KIFC3: variants seen among roughly 807,000 people sequenced by gnomAD.
KIFC3 encodes the protein kinesin family member C3, also known as kinesin-like protein KIFC3.
A neutral mutation model predicts 101.8 loss-of-function variants in KIFC3; 60 were observed. The ratio of observed to expected loss-of-function variants is 0.59; its 90% CI spans 0.48 to 0.73. KIFC3 has a LOEUF of 0.73. Ranked by LOEUF, KIFC3 falls within the 30% of genes least tolerant of loss-of-function variation. The pLI is 0.00. For synonymous variants in KIFC3, 476 were observed against 482.7 expected, an observed-to-expected ratio of 0.99 and a Z score of 0.18; for missense variants, 966 against 1,137.1, an observed-to-expected ratio of 0.85 and a Z score of 2.16.
Position 57,826,175 on chromosome 16 carries a change from G to A in KIFC3, c.109-27893C>T, listed in dbSNP as rs143391009. Among the ~76,000 whole-genome samples, 270 of 152,274 alleles carry A rather than the reference G, an allele frequency of 1.8e-3. 1 individual carries two copies. Among genetic ancestry groups the A allele is most frequent in the African/African-American group, 6.1e-3 (255 of 41,552 alleles). On this transcript the variant is annotated intron_variant, in intron 1 of 2. Coordinates refer to the KIFC3 transcript ENST00000563028. Reference sequence around the variant, plus strand: ...TACAAGCCCACACCCCAAAATGCCCGCTTCCCCCACCATGGGAGTCCAGAG... The same window carrying A: ...TACAAGCCCACACCCCAAAATGCCCACTTCCCCCACCATGGGAGTCCAGAG...
At position 57,758,835 on chromosome 16, in the gene KIFC3, G is replaced by A; in HGVS notation, c.*99C>T. The A allele has an allele frequency of 6.2e-7, 1 of 1,607,580 alleles. No individual in the cohort carries two copies. Among genetic ancestry groups the A allele is most frequent in the Non-Finnish European group, 8.5e-7 (1 of 1,176,576 alleles). On this transcript the variant is annotated 3_prime_UTR_variant, in exon 20 of 20. Transcript: ENST00000445690. ...CTCCGGGGGTCCTGGCGCTGCAGCA[G>A]GGACAGGCCAGTGAGGGCCCAGCTT...
chr16:57,834,268 C>T (rs2055644167), intron 1 of KIFC3, among the ~76,000 whole-genome samples: 1 of 152,010 alleles, frequency 6.6e-6, no homozygotes, highest in Admixed American at 6.6e-5. Context: ...AAATAATCTC[C>T]CAGTATTGTT....
chr16:57,831,264 CG>C (rs1567328110), intron 1 of KIFC3, among the ~76,000 whole-genome samples: 1 of 152,216 alleles, frequency 6.6e-6, no homozygotes, highest in South Asian at 2.1e-4. Flanking sequence ...GCTAACCCCA[CG>C]GGGGGTTCTC....
intron 1 of KIFC3, among the ~76,000 whole-genome samples, chr16:57,830,854 A>G (rs2055567485): frequency 6.6e-6 from 1 of 152,200 alleles, no homozygotes; most frequent in African/African-American, 2.4e-5. Flanking sequence ...CTTGCCTGAA[A>G]CACTGATAAA....
At position 57,766,847 on chromosome 16, in the gene KIFC3, G is replaced by A. The variant is rs782612648; in HGVS notation, c.1330+27C>T. 15 of 1,565,632 alleles carry A rather than the reference G, an allele frequency of 9.6e-6. No individual in the cohort carries two copies. The East Asian group carries it at 1.8e-4, about 19-fold the overall frequency. ...CCAGGTCGAGGACCCCGAGGCCAGC[G>A]CCCACCCCCAGCCCTCCTGCAGTCA... is the stretch of plus-strand genomic sequence containing the variant. On this transcript the variant is annotated intron_variant, in intron 10 of 19. Transcript: ENST00000445690.
intron 3 of KIFC3, chr16:57,776,084 G>T: frequency 1.0e-6 from 1 of 985,466 alleles, no homozygotes; most frequent in Non-Finnish European, 1.2e-6. Context: ...CTTCCAAGGC[G>T]GCCTCTTACC....
At chr16:57,797,500 G>A (rs1393031126) in intron 2 of KIFC3, among the ~76,000 whole-genome samples, 5 of 152,330 alleles carry the variant, frequency 3.3e-5, no homozygotes, top group Admixed American at 1.3e-4. Flanking sequence ...TCCCCGGGGG[G>A]TACAGTGGGG....
upstream of KIFC3, among the ~76,000 whole-genome samples, chr16:57,807,316 T>C (rs2054959523): frequency 6.6e-6 from 1 of 151,986 alleles, no homozygotes; most frequent in Non-Finnish European, 1.5e-5. Flanking sequence ...CAGCTTTGCA[T>C]GTCACCAACT....
At chr16:57,759,866 G>C (rs1555594259) in intron 17 of KIFC3, 30 bp from the exon 18 acceptor site, 1 of 1,534,562 alleles carries the variant, frequency 6.5e-7, no homozygotes, top group South Asian at 1.2e-5. Flanking sequence ...GATGGGCGGG[G>C]GCCACGGCTG....
At chr16:57,790,084 T>TC (rs1240586787) in intron 3 of KIFC3, among the ~76,000 whole-genome samples, 1 of 142,260 alleles carries the variant, frequency 7.0e-6, no homozygotes, top group African/African-American at 2.6e-5. Context: ...CTTTCTTTTT[T>TC]TTTTTTTTTT....
At chr16:57,847,267 GAAGGGA>G (rs1476632866) in intron 1 of KIFC3, among the ~76,000 whole-genome samples, 1 of 99,658 alleles carries the variant, frequency 1.0e-5, no homozygotes, top group Non-Finnish European at 2.0e-5. Context: ...AGGAAGGAAG[GAAGGGA>G]AGGGAGGGAG....
In KIFC3 at chr16:57,798,169, G is replaced by A. The variant is rs782115664; in HGVS notation, c.75C>T (p.Ala25=). ...SLRGLWRVGR[A]PEPEPGMARP... is the part of the protein sequence containing the mutation. ...GAGCCATCCCCGGCTCGGGCTCCGG[G>A]GCCCGGCCCACTCTCCACAGGCCCC... Residue 25 remains alanine, a synonymous_variant, in exon 2 of 20, where the codon GCC becomes GCT. Coordinates refer to ENST00000445690, the MANE Select transcript of KIFC3 (RefSeq NM_001130100.2). 2.6e-6 allele frequency: 4 copies of A among 1,540,172 alleles called. No homozygotes were observed. The highest frequency in any genetic ancestry group is 3.5e-6 in the Non-Finnish European group (4 of 1,143,244).
At chr16:57,759,273 CT>C in intron 18 of KIFC3, 120 bp from the exon 19 acceptor site, 1 of 1,222,660 alleles carries the variant, frequency 8.2e-7, no homozygotes, top group Non-Finnish European at 1.2e-6. Context: ...ATGATCTGGG[CT>C]AAACAGGGGC....
At chr16:57,772,890 T>G (rs35624414) in intron 3 of KIFC3, among the ~76,000 whole-genome samples, 14,154 of 152,188 alleles carry the variant, frequency 0.093, 822 homozygotes, top group African/African-American at 0.15. Context: ...AAGGCTCTTA[T>G]AGGGGGAAGG....
chr16:57,811,442 G>C (rs529944224), intron 1 of KIFC3, among the ~76,000 whole-genome samples: 61 of 152,314 alleles, frequency 4.0e-4, no homozygotes, highest in African/African-American at 1.4e-3. Flanking sequence ...CAGAGGTCAG[G>C]CCAAGCGCGA....
At chr16:57,785,339 G>A (rs2149113273) in intron 3 of KIFC3, 1 of 402,992 alleles carries the variant, frequency 2.5e-6, no homozygotes, top group Non-Finnish European at 3.7e-6. Flanking sequence ...GCGTATTCCA[G>A]GAAACGAGAC....
rs1352346042 is a variant in KIFC3 at position 57,769,403 on chromosome 16, C to T, written c.1218+192G>A. 6.6e-6 allele frequency among the ~76,000 whole-genome samples: 1 copy of T among 152,170 alleles called. No individual in the cohort carries two copies. Among genetic ancestry groups the T allele is most frequent in the Non-Finnish European group, 1.5e-5 (1 of 68,044 alleles). On this transcript the variant is annotated intron_variant, in intron 9 of 19. Coordinates refer to ENST00000445690, the MANE Select transcript of KIFC3 (RefSeq NM_001130100.2). The surrounding 1 kb of genome is among the most constrained non-coding windows in gnomAD (Gnocchi z 4.3). The stretch of plus-strand genomic sequence containing the variant: ...AAAGAATCATAGTAAGACAAATAGC[C>T]GAATGCCTGCCCTGAGCAGTCTAGT...
intron 3 of KIFC3, 104 bp downstream of exon 3, chr16:57,794,895 C>A: frequency 1.8e-6 from 2 of 1,129,830 alleles, no homozygotes; most frequent in South Asian, 1.9e-5. Flanking sequence ...GGTGGGTCCC[C>A]GGCTCTCCCC....
At chr16:57,784,866 C>T (rs147419447) in intron 3 of KIFC3, among the ~76,000 whole-genome samples, 8 of 152,296 alleles carry the variant, frequency 5.3e-5, no homozygotes, top group South Asian at 2.1e-4. Flanking sequence ...GGACGTGCAG[C>T]TCATGAGCCA....
Sources: allele counts gnomAD v4.1 joint callset (sites outside exome capture counted in the v4.1 genomes callset), GRCh38; gene constraint gnomAD v4.1.1; non-coding constraint Gnocchi (gnomAD v3.1); transcripts MANE v1.5; gene names NCBI Gene and HGNC (gene_info 2026-07-23, HGNC 2026-07-21).